The following JARID2 variants were observed in gnomAD, a reference collection of about 807,000 sequenced individuals.
The protein encoded by JARID2 is protein Jumonji.
Under a neutral mutation model 125.6 loss-of-function variants are expected in JARID2, and 21 were observed. The observed-to-expected ratio is 0.17, with a 90% CI of 0.12 to 0.24. The LOEUF (loss-of-function observed/expected upper bound fraction) is 0.24. Ranked by LOEUF, JARID2 falls within the 10% of genes least tolerant of loss-of-function variation. The pLI is 1.00. For missense variants in JARID2, 1,303 were observed against 1,639.6 expected, an observed-to-expected ratio of 0.79 and a Z score of 3.55; for synonymous variants, 736 against 661.6, an observed-to-expected ratio of 1.11 and a Z score of -1.73.
chr6:15,289,772 G>A (rs1378551522), intron 1 of JARID2, among the ~76,000 whole-genome samples: 1 of 152,188 alleles, frequency 6.6e-6, no homozygotes, highest in South Asian at 2.1e-4. Context: ...CTTGAACCCA[G>A]GAGGCGGAGG....
intron 6 of JARID2, among the ~76,000 whole-genome samples, chr6:15,495,681 T>C (rs1770379138): frequency 6.6e-6 from 1 of 152,200 alleles, no homozygotes; most frequent in East Asian, 1.9e-4. Context: ...GACATGACTT[T>C]TCTTGGAACA....
chr6:15,411,517 T>C (rs919916939), intron 3 of JARID2, among the ~76,000 whole-genome samples: 3 of 152,212 alleles, frequency 2.0e-5, no homozygotes, highest in African/African-American at 7.2e-5. Flanking sequence ...GTTATTAGTA[T>C]AGTTAGGATC....
intron 1 of JARID2, among the ~76,000 whole-genome samples, chr6:15,348,398 C>G (rs1763316197): frequency 6.6e-6 from 1 of 152,084 alleles, no homozygotes; most frequent in Non-Finnish European, 1.5e-5. Context: ...CCAATTATTT[C>G]TTTTAATTCT....
At chr6:15,359,620 G>A (rs1763722581) in intron 1 of JARID2, among the ~76,000 whole-genome samples, 1 of 151,994 alleles carries the variant, frequency 6.6e-6, no homozygotes, top group Non-Finnish European at 1.5e-5. Context: ...GTAGCGGTGG[G>A]GGGTGTGTGT....
chr6:15,388,588 AAT>A (rs67600299), intron 2 of JARID2, among the ~76,000 whole-genome samples: 59,077 of 147,184 alleles, frequency 0.4, 11,915 homozygotes, highest in Admixed American at 0.46. Flanking sequence ...TATATTATAA[AAT>A]ATATATATAT....
intron 3 of JARID2, among the ~76,000 whole-genome samples, 157 bp from the exon 4 acceptor site, chr6:15,451,847 GGT>G (rs1695469391): frequency 6.6e-6 from 1 of 152,114 alleles, no homozygotes; most frequent in African/African-American, 2.4e-5. Context: ...GTAGGCCTGT[GGT>G]TTATGAGAGT....
intron 1 of JARID2, among the ~76,000 whole-genome samples, chr6:15,298,996 C>T (rs1406755848): frequency 2.8e-5 from 3 of 105,808 alleles, no homozygotes; most frequent in African/African-American, 1.2e-4. Flanking sequence ...ATTTTATTTG[C>T]GGGGGTGGGG....
intron 4 of JARID2, among the ~76,000 whole-genome samples, chr6:15,454,200 G>C (rs1243622486): frequency 1.3e-5 from 2 of 152,030 alleles, no homozygotes; most frequent in Admixed American, 6.6e-5. Context: ...CCCACGATGG[G>C]AAACTCAGCC....
chr6:15,398,700 A>T (rs1001739028), intron 2 of JARID2, among the ~76,000 whole-genome samples: 2 of 152,232 alleles, frequency 1.3e-5, no homozygotes, highest in African/African-American at 2.4e-5. Flanking sequence ...CTTAAAATTT[A>T]AATACCCGTT....
At chr6:15,442,980 G>A (rs1767511354) in intron 3 of JARID2, among the ~76,000 whole-genome samples, 2 of 151,852 alleles carry the variant, frequency 1.3e-5, no homozygotes, top group Non-Finnish European at 2.9e-5. Flanking sequence ...ACCAAGTCAT[G>A]TTTTATTTGG....
chr6:15,314,821 C>A (rs1472341137), intron 1 of JARID2: 3 of 152,132 alleles, frequency 2.0e-5, no homozygotes, highest in South Asian at 2.1e-4. Context: ...TGTTGGTTTC[C>A]CGACTGCTTC....
chr6:15,294,936 CTT>C (rs1761353610), intron 1 of JARID2, among the ~76,000 whole-genome samples: 2 of 152,024 alleles, frequency 1.3e-5, no homozygotes, highest in South Asian at 4.1e-4. Flanking sequence ...ATTGAGATAA[CTT>C]TTTCTTTTTT....
At chr6:15,292,598 T>C (rs2127397946) in intron 1 of JARID2, among the ~76,000 whole-genome samples, 1 of 152,322 alleles carries the variant, frequency 6.6e-6, no homozygotes, top group South Asian at 2.1e-4. Context: ...CAGGGCCCAC[T>C]GTAACATTTA....
At chr6:15,278,262 G>A (rs748763348) in intron 1 of JARID2, among the ~76,000 whole-genome samples, 15 of 151,120 alleles carry the variant, frequency 9.9e-5, no homozygotes, top group Admixed American at 6.6e-5. Flanking sequence ...TGAGCTGGGC[G>A]CCGTGGCTCT....
At chr6:15,246,662 T>C (rs1759191757) in intron 1 of JARID2, 78 bp downstream of exon 1, 1 of 1,285,762 alleles carries the variant, frequency 7.8e-7, no homozygotes, top group Non-Finnish European at 1.1e-6. Flanking sequence ...TAGATAATTC[T>C]GCCTCTGAAG....
chr6:15,428,329 T>C (rs1452834005), intron 3 of JARID2, among the ~76,000 whole-genome samples: 1 of 152,184 alleles, frequency 6.6e-6, no homozygotes, highest in Non-Finnish European at 1.5e-5. Flanking sequence ...GCAGGTTTGT[T>C]ACGTAATGTA....
intron 5 of JARID2, among the ~76,000 whole-genome samples, chr6:15,479,171 C>T (rs1051902323): frequency 2.6e-5 from 4 of 152,152 alleles, no homozygotes; most frequent in Non-Finnish European, 4.4e-5. Context: ...TTACCATTAA[C>T]GCAAACATTT....
rs772715461 is a variant in JARID2 at position 15,487,344 on chromosome 6, A to C, written c.708A>C (p.Glu236Asp). 1 of 1,614,152 alleles carries C rather than the reference A, an allele frequency of 6.2e-7. No homozygotes were observed. The highest frequency in any genetic ancestry group is 8.5e-7 in the Non-Finnish European group (1 of 1,180,010). Residue 236 changes from glutamate to aspartate, a missense_variant, in exon 6 of 18, where the codon GAA becomes GAC. This residue lies in a region of JARID2 where 651 missense variants were observed against 581.6 expected (regional missense o/e 1.12). Coordinates refer to ENST00000341776, the MANE Select transcript of JARID2 (RefSeq NM_004973.4). ...CCAGCAGGTCAACACGGGAGAAGGA[A>C]CCTGTTCAAAAACACAAAAGCAAAG... is the stretch of plus-strand genomic sequence containing the variant. The part of the protein sequence containing the change: ...NGSSRSTREK[E>D]PVQKHKSKEA...
At chr6:15,293,615 G>C (rs1761304919) in intron 1 of JARID2, among the ~76,000 whole-genome samples, 2 of 152,184 alleles carry the variant, frequency 1.3e-5, no homozygotes, top group Admixed American at 6.5e-5. Context: ...CTGATCATTG[G>C]TATTAGGCAG....
Sources: allele counts gnomAD v4.1 joint callset (sites outside exome capture counted in the v4.1 genomes callset), GRCh38; gene constraint gnomAD v4.1.1; regional missense constraint gnomAD v4.1.1; transcripts MANE v1.5; gene names NCBI Gene and HGNC (gene_info 2026-07-23, HGNC 2026-07-21).